The following DNAH11 variants were observed in gnomAD, a reference collection of about 807,000 sequenced individuals.
DNAH11 encodes axonemal beta dynein heavy chain 11.
Under a neutral mutation model 526.0 loss-of-function variants are expected in DNAH11, and 442 were observed. That is an observed-to-expected ratio of 0.84 (90% confidence interval 0.78 to 0.91). The LOEUF (loss-of-function observed/expected upper bound fraction) is 0.91, where lower values mean the gene tolerates loss of function less well. Among genes scored for constraint, DNAH11 ranks in the 40% least tolerant of loss-of-function variants. DNAH11 has a pLI of 0.00. For synonymous variants in DNAH11, 2,461 were observed against 1,935.9 expected (o/e 1.27, Z -7.12); for missense variants, 6,989 against 5,448.7 (o/e 1.28, Z -8.90).
At chr7:21,857,616 G>A (rs1332687070) in intron 68 of DNAH11, among the ~76,000 whole-genome samples, 1 of 152,114 alleles carries the variant, frequency 6.6e-6, no homozygotes. Flanking sequence ...TGTGGTACTG[G>A]CCTGAAGAAA....
chr7:21,790,945 G>C (rs1028560485), intron 61 of DNAH11, among the ~76,000 whole-genome samples: 1 of 152,214 alleles, frequency 6.6e-6, no homozygotes, highest in Non-Finnish European at 1.5e-5. Context: ...TACAACCAAA[G>C]TGAATGGATG....
intron 20 of DNAH11, 107 bp from the exon 21 acceptor site, chr7:21,615,007 C>T: frequency 2.4e-6 from 3 of 1,266,370 alleles, no homozygotes; most frequent in South Asian, 1.5e-5. Context: ...TTTTTATTTT[C>T]CCGTTAAAAA....
chr7:21,722,168 A>AC (rs1784904268), intron 44 of DNAH11, among the ~76,000 whole-genome samples: 1 of 152,162 alleles, frequency 6.6e-6, no homozygotes, highest in African/African-American at 2.4e-5. Context: ...TGATCTTTAC[A>AC]ATGGTTCTTC....
At chr7:21,771,989 T>C (rs1787455641) in intron 55 of DNAH11, among the ~76,000 whole-genome samples, 1 of 152,242 alleles carries the variant, frequency 6.6e-6, no homozygotes, top group Non-Finnish European at 1.5e-5. Context: ...GGAAGTGCTG[T>C]CACTACTGAC....
chr7:21,561,207 C>A, intron 5 of DNAH11, 37 bp downstream of exon 5: 3 of 1,443,582 alleles, frequency 2.1e-6, no homozygotes, highest in Non-Finnish European at 1.9e-6. Context: ...ATCAATATCA[C>A]CATCTGCTCA....
intron 22 of DNAH11, among the ~76,000 whole-genome samples, chr7:21,617,317 C>T (rs767852980): frequency 1.3e-5 from 2 of 152,182 alleles, no homozygotes; most frequent in African/African-American, 2.4e-5. Context: ...ATAGAAGAAA[C>T]ATTCTTCATT....
Position 21,599,804 on chromosome 7 carries a change from C to G in DNAH11, c.2685C>G (p.Phe895Leu), listed in dbSNP as rs1482253111. The G allele has an allele frequency of 8.9e-6, 14 of 1,566,998 alleles. No homozygotes were observed. Among genetic ancestry groups the G allele is most frequent in the Admixed American group, 1.8e-5 (1 of 54,364 alleles). The part of the protein sequence containing the change: ...HNLVEENRKL[F>L]KANPSLDTWK... ...GTTTCTAGGAAAATAGGAAGCTCTT[C>G]AAAGCCAATCCCTCTCTGGATACCT... The change falls in exon 15 of 82, where the codon TTC becomes TTG. Residue 895 changes from phenylalanine to leucine, a missense_variant. Transcript: ENST00000409508.
At position 21,572,015 on chromosome 7, in the gene DNAH11, A is replaced by C. The variant is rs754727484; in HGVS notation, c.1593+42A>C. 4.2e-6 allele frequency: 6 copies of C among 1,425,688 alleles called. No homozygotes were observed. In the Admixed American group the frequency reaches 1.6e-4, roughly 38 times the overall value. 88.3% of individuals were successfully genotyped at this position (1,425,688 alleles called of 1,614,324 possible). A position where few individuals can be genotyped will look rare whatever the true frequency, so the allele number is the denominator to read the frequency against. On this transcript the variant is annotated intron_variant, in intron 8 of 81. Coordinates refer to ENST00000409508, the MANE Select transcript of DNAH11 (RefSeq NM_001277115.2). ...GCATTTTCATTGCATGGGATCCTAT[A>C]ATTTTATAGCTGAAAAGGAAGATAG...
intron 26 of DNAH11, 92 bp from the exon 27 acceptor site, chr7:21,637,519 C>G: frequency 1.1e-6 from 1 of 914,134 alleles, no homozygotes; most frequent in South Asian, 1.5e-5. Flanking sequence ...CCTCTTCATT[C>G]TTTGTTCTTC....
chr7:21,808,322 G>A (rs1286922299), intron 63 of DNAH11, among the ~76,000 whole-genome samples: 3 of 152,162 alleles, frequency 2.0e-5, no homozygotes, highest in African/African-American at 7.2e-5. Context: ...TATACAATGT[G>A]TAATGGTCAA....
chr7:21,852,629 A>C lies in DNAH11; in HGVS notation c.11059A>C (p.Lys3687Gln). ...TKTTVAEIEH[K>Q]VIEAKENERK... ...GACCACCGTGGCAGAGATAGAGCACAAGGTAGGAAGGGCAGAGGGTGCCTG... is the reference window on the plus strand; with the variant it reads ...GACCACCGTGGCAGAGATAGAGCACCAGGTAGGAAGGGCAGAGGGTGCCTG... Residue 3687 changes from lysine (K) to glutamine (Q), a missense_variant and splice_region_variant, in exon 67 of 82, where the codon AAG becomes CAG. By Grantham distance (53) the Lys-to-Gln change is moderately conservative. Coordinates refer to ENST00000409508, the MANE Select transcript of DNAH11 (RefSeq NM_001277115.2). 1 of 1,582,704 alleles carries C rather than the reference A, an allele frequency of 6.3e-7. No homozygotes were observed.
chr7:21,742,373 G>A lies in DNAH11; in HGVS notation c.8154+207G>A, dbSNP rs77358461. ...GTGAGGGCCTCAGGAGCTGACAATC[G>A]TGGTAGAAGGTGATGGGGAGCCAGC... On this transcript the variant is annotated intron_variant, in intron 49 of 81. Coordinates refer to ENST00000409508, the MANE Select transcript of DNAH11 (RefSeq NM_001277115.2). Among the ~76,000 whole-genome samples, 8,453 of 152,160 alleles carry A rather than the reference G, an allele frequency of 0.056. 389 individuals are homozygous for A. Among genetic ancestry groups the A allele is most frequent in the East Asian group, 0.27 (1,406 of 5,166 alleles).
chr7:21,849,095 G>C (rs1490876029), intron 66 of DNAH11, among the ~76,000 whole-genome samples: 1 of 152,140 alleles, frequency 6.6e-6, no homozygotes, highest in East Asian at 1.9e-4. Context: ...ATGTTGGTCA[G>C]GCTAGTCTCA....
intron 65 of DNAH11, among the ~76,000 whole-genome samples, chr7:21,830,871 G>T (rs1011493787): frequency 3.3e-5 from 5 of 152,254 alleles, no homozygotes; most frequent in Non-Finnish European, 7.4e-5. Flanking sequence ...TATGGTATTT[G>T]TACTCAGAAA....
intron 63 of DNAH11, among the ~76,000 whole-genome samples, chr7:21,810,467 C>G (rs527869039): frequency 1.3e-5 from 2 of 152,242 alleles, no homozygotes; most frequent in African/African-American, 4.8e-5. Context: ...GTCTCCGTTA[C>G]TTTAGGGAAG....
chr7:21,655,398 A>T (rs546442578), intron 28 of DNAH11, among the ~76,000 whole-genome samples: 1 of 152,206 alleles, frequency 6.6e-6, no homozygotes, highest in Non-Finnish European at 1.5e-5. Flanking sequence ...AATCTCCCCC[A>T]AAAGTAAAAT....
At chr7:21,890,418 A>G (rs1008433641) in intron 76 of DNAH11, among the ~76,000 whole-genome samples, 3 of 152,232 alleles carry the variant, frequency 2.0e-5, no homozygotes, top group African/African-American at 7.2e-5. Context: ...TCCCCATGGC[A>G]GCTTAACCTT....
intron 66 of DNAH11, among the ~76,000 whole-genome samples, chr7:21,844,074 C>T (rs775169763): frequency 1.4e-4 from 22 of 152,148 alleles, no homozygotes; most frequent in Non-Finnish European, 2.2e-4. Context: ...ACTGTGGCTT[C>T]CATGCCTAAT....
Position 21,749,753 on chromosome 7 carries a change from G to C in DNAH11, c.8749G>C (p.Val2917Leu). ...PTVFLLTDAQ[V>L]LDESFLVLIN... ...TGTGTTCCTGCTGACAGATGCCCAGGTTCTAGATGAGAGCTTCCTCGTGCT... is the reference window on the plus strand; with the variant it reads ...TGTGTTCCTGCTGACAGATGCCCAGCTTCTAGATGAGAGCTTCCTCGTGCT... The change falls in exon 53 of 82, where the codon GTT becomes CTT. Residue 2917 changes from valine to leucine, a missense_variant. Transcript: ENST00000409508. 6.2e-7 allele frequency: 1 copy of C among 1,613,936 alleles called. No homozygotes were observed. Among genetic ancestry groups the C allele is most frequent in the East Asian group, 2.2e-5 (1 of 44,884 alleles).
Sources: gnomAD v4.1 joint callset for allele counts (sites outside exome capture counted in the v4.1 genomes callset) on GRCh38, gnomAD v4.1.1 for gene constraint, MANE v1.5 for transcripts, NCBI Gene and HGNC (gene_info 2026-07-23, HGNC 2026-07-21) for gene names.